ADAM12: variants seen among roughly 807,000 people sequenced by gnomAD.
ADAM12 encodes ADAM metallopeptidase domain 12, also known as disintegrin and metalloproteinase domain-containing protein 12.
A neutral mutation model predicts 106.4 loss-of-function variants in ADAM12; 70 were observed. The ratio of observed to expected loss-of-function variants is 0.66; its 90% CI spans 0.54 to 0.80. ADAM12 has a LOEUF of 0.80. Among genes scored for constraint, ADAM12 ranks in the 30% least tolerant of loss-of-function variants. The pLI is 0.00. For missense variants in ADAM12, 1,010 were observed against 1,171.9 expected (o/e 0.86, Z 2.02); for synonymous variants, 420 against 433.5 (o/e 0.97, Z 0.39).
At chr10:126,292,906 G>T (rs1020805831) in intron 2 of ADAM12, among the ~76,000 whole-genome samples, 6 of 152,120 alleles carry the variant, frequency 3.9e-5, no homozygotes, top group Admixed American at 1.3e-4. Flanking sequence ...CATCAAAATC[G>T]CCTGGAGTGC....
chr10:126,339,709 G>A (rs1854849528), intron 1 of ADAM12, among the ~76,000 whole-genome samples: 1 of 152,166 alleles, frequency 6.6e-6, no homozygotes, highest in Non-Finnish European at 1.5e-5. Flanking sequence ...CAGTCAGTAT[G>A]GCTAAGATGG....
chr10:126,112,541 C>T (rs1478338618), intron 6 of ADAM12, among the ~76,000 whole-genome samples: 1 of 152,032 alleles, frequency 6.6e-6, no homozygotes, highest in Non-Finnish European at 1.5e-5. Flanking sequence ...AAGAAAGAAC[C>T]AGTTCCTGGG....
intron 21 of ADAM12, among the ~76,000 whole-genome samples, chr10:126,026,361 C>T (rs939780769): frequency 4.0e-5 from 6 of 151,852 alleles, no homozygotes; most frequent in Admixed American, 3.9e-4. Flanking sequence ...GACTTTAACA[C>T]CCACCTGACA....
At chr10:126,065,844 T>TCCCCCTTCCCCCGACTCCCTTCCAGG (rs1954856578) in intron 13 of ADAM12, among the ~76,000 whole-genome samples, 1 of 152,066 alleles carries the variant, frequency 6.6e-6, no homozygotes, top group Non-Finnish European at 1.5e-5. Flanking sequence ...CAGACTTGCT[T>TCCCCCTTCCCCCGACTCCCTTCCAGG]CCCCCTTCCC....
intron 3 of ADAM12, among the ~76,000 whole-genome samples, chr10:126,228,237 A>G (rs548692148): frequency 6.6e-6 from 1 of 152,338 alleles, no homozygotes; most frequent in African/African-American, 2.4e-5. Flanking sequence ...CAATATGCCA[A>G]CAAACGATTG....
At chr10:126,229,158 G>C (rs1288876421) in intron 3 of ADAM12, among the ~76,000 whole-genome samples, 1 of 152,196 alleles carries the variant, frequency 6.6e-6, no homozygotes. Context: ...CCCCTTCCCA[G>C]GAGGCGGGCA....
intron 11 of ADAM12, among the ~76,000 whole-genome samples, chr10:126,081,373 AT>A (rs1359534586): frequency 1.0e-4 from 11 of 105,200 alleles, no homozygotes; most frequent in Admixed American, 2.2e-4. Context: ...GTTTAAACTG[AT>A]TGGGGGAAAA....
At chr10:126,326,533 C>G (rs547949985) in intron 2 of ADAM12, among the ~76,000 whole-genome samples, 44 of 152,308 alleles carry the variant, frequency 2.9e-4, no homozygotes, top group African/African-American at 1.1e-3. Flanking sequence ...CCAATCGCTT[C>G]TGGTGCTGTC....
intron 3 of ADAM12, among the ~76,000 whole-genome samples, chr10:126,224,584 G>A (rs998826750): frequency 2.0e-4 from 31 of 152,162 alleles, no homozygotes; most frequent in Admixed American, 1.6e-3. Context: ...GGCGTTGCAC[G>A]GCCCTTGTCA....
chr10:126,337,561 T>G (rs1203564579), intron 1 of ADAM12, among the ~76,000 whole-genome samples: 1 of 152,206 alleles, frequency 6.6e-6, no homozygotes, highest in Non-Finnish European at 1.5e-5. Context: ...TGGCAGCACA[T>G]GGGATGCTGC....
chr10:126,035,710 A>G (rs1363986151), intron 21 of ADAM12, among the ~76,000 whole-genome samples: 5 of 152,184 alleles, frequency 3.3e-5, no homozygotes, highest in African/African-American at 1.2e-4. Flanking sequence ...TTTGGTACGG[A>G]GACACTCTGT....
At chr10:126,373,432 G>C (rs781373393) in intron 1 of ADAM12, among the ~76,000 whole-genome samples, 27 of 152,340 alleles carry the variant, frequency 1.8e-4, no homozygotes, top group Non-Finnish European at 3.7e-4. Flanking sequence ...CATGCCAGCA[G>C]GAAAGCAGCT....
intron 4 of ADAM12, among the ~76,000 whole-genome samples, chr10:126,142,126 A>G (rs1415817436): frequency 2.0e-5 from 3 of 152,158 alleles, no homozygotes; most frequent in African/African-American, 7.2e-5. Context: ...CAGAAACATG[A>G]GTTTCTCTCT....
intron 9 of ADAM12, among the ~76,000 whole-genome samples, chr10:126,099,151 AG>A (rs1364488320): frequency 6.6e-6 from 1 of 152,170 alleles, no homozygotes; most frequent in Non-Finnish European, 1.5e-5. Context: ...AATGACACCA[AG>A]GGCCTGTTGA....
intron 11 of ADAM12, among the ~76,000 whole-genome samples, chr10:126,092,450 C>T (rs1030611771): frequency 6.6e-6 from 1 of 152,226 alleles, no homozygotes; most frequent in Non-Finnish European, 1.5e-5. Context: ...AGAAGGAAAT[C>T]CTTGCCCCAA....
intron 3 of ADAM12, among the ~76,000 whole-genome samples, chr10:126,169,921 G>A (rs1172173208): frequency 6.6e-6 from 1 of 152,208 alleles, no homozygotes; most frequent in African/African-American, 2.4e-5. Context: ...GTCTTCTGAT[G>A]TAGATTGGCA....
At chr10:126,290,947 T>G (rs1402704855) in intron 2 of ADAM12, among the ~76,000 whole-genome samples, 1 of 152,242 alleles carries the variant, frequency 6.6e-6, no homozygotes. Flanking sequence ...TGTTTTAAGC[T>G]AATACTTTCT....
intron 4 of ADAM12, among the ~76,000 whole-genome samples, chr10:126,142,940 G>A (rs1203362408): frequency 6.6e-6 from 1 of 151,956 alleles, no homozygotes; most frequent in Non-Finnish European, 1.5e-5. Context: ...GCATGGGTGT[G>A]CATGTGTATA....
intron 3 of ADAM12, among the ~76,000 whole-genome samples, chr10:126,258,066 C>T (rs1958927378): frequency 6.6e-6 from 1 of 152,140 alleles, no homozygotes; most frequent in South Asian, 2.1e-4. Flanking sequence ...TCAATTTTCA[C>T]CTCCTGCTAT....
Sources: allele counts gnomAD v4.1 joint callset (sites outside exome capture counted in the v4.1 genomes callset), GRCh38; gene constraint gnomAD v4.1.1; transcripts MANE v1.5; gene names NCBI Gene and HGNC (gene_info 2026-07-23, HGNC 2026-07-21).